The following OR52N2 variants were observed in gnomAD, a reference collection of about 807,000 sequenced individuals.
OR52N2 encodes olfactory receptor 52N2.
For missense variants in OR52N2, 326 were observed against 196.6 expected, an observed-to-expected ratio of 1.66 and a Z score of -3.94; for synonymous variants, 129 against 72.0, an observed-to-expected ratio of 1.79 and a Z score of -4.01.
chr11:5,810,026 GAAC>G (rs1274104581), intron 1 of OR52N2, among the ~76,000 whole-genome samples: 1 of 152,176 alleles, frequency 6.6e-6, no homozygotes, highest in Non-Finnish European at 1.5e-5. Context: ...ACTTCATTTA[GAAC>G]AACATTCTTC....
rs1379620437 is a variant in OR52N2, at chr11:5,821,184, T to C, written c.849T>C (p.Tyr283=). The C allele has an allele frequency of 1.3e-6, 1 of 780,954 alleles. No individual in the cohort carries two copies. Among genetic ancestry groups the C allele is most frequent in the Non-Finnish European group, 2.4e-6 (1 of 418,130 alleles). 48.4% of individuals were successfully genotyped at this position (780,954 alleles called of 1,614,324 possible). ...TACACATCATCGTGGCCAACCTTTA[T>C]CTGCTACTGCCTCCTACCATGAACC... ...NHIHIIVANL[Y]LLLPPTMNPI... The change falls in exon 2 of 2, where the codon TAT becomes TAC. Residue 283 remains tyrosine (Y), a synonymous_variant. Coordinates refer to ENST00000317037, the MANE Select transcript of OR52N2 (RefSeq NM_001005174.3).
rs140966294 is a variant in OR52N2, at chr11:5,820,996, A to C, written c.661A>C (p.Thr221Pro). 3 of 780,866 alleles carry C rather than the reference A, an allele frequency of 3.8e-6. No individual in the cohort carries two copies. Among genetic ancestry groups the C allele is most frequent in the Non-Finnish European group, 7.2e-6 (3 of 418,108 alleles). 48.4% of individuals were successfully genotyped at this position (780,866 alleles called of 1,614,324 possible). A position where few individuals can be genotyped will look rare whatever the true frequency, so the allele number is the denominator to read the frequency against. ...FDICCISVSY[T>P]MILQAVMSLS... ...TATCTGCTGTATCTCTGTATCTTAC[A>C]CTATGATTTTGCAGGCTGTTATGAG... Residue 221 changes from threonine (T) to proline (P), a missense_variant, in exon 2 of 2, where the codon ACT becomes CCT. Physicochemically the swap from Thr to Pro is conservative, Grantham distance 38. Coordinates refer to ENST00000317037, the MANE Select transcript of OR52N2 (RefSeq NM_001005174.3).
chr11:5,811,761 G>A (rs971474751), intron 1 of OR52N2, among the ~76,000 whole-genome samples: 5 of 152,088 alleles, frequency 3.3e-5, no homozygotes, highest in Non-Finnish European at 7.4e-5. Context: ...TCTTCAATCA[G>A]AAGACATAGA....
chr11:5,820,153 T>C (rs1376735062), intron 1 of OR52N2, among the ~76,000 whole-genome samples, 129 bp from the exon 2 acceptor site: 1 of 152,178 alleles, frequency 6.6e-6, no homozygotes, highest in Non-Finnish European at 1.5e-5. Context: ...TTCAAAGTCT[T>C]TCTTGCTATA....
At chr11:5,815,587 T>G (rs924005596) in intron 1 of OR52N2, among the ~76,000 whole-genome samples, 1 of 152,056 alleles carries the variant, frequency 6.6e-6, no homozygotes, top group Non-Finnish European at 1.5e-5. Flanking sequence ...TAAATGTCAG[T>G]GAGAATGTAG....
chr11:5,821,159 T>C lies in OR52N2; in HGVS notation c.824T>C (p.Ile275Thr), dbSNP rs775642504. Residue 275 changes from isoleucine (I) to threonine (T), a missense_variant, in exon 2 of 2, where the codon ATA becomes ACA. Physicochemically the swap from Ile to Thr is moderately conservative, Grantham distance 89. Coordinates refer to ENST00000317037, the MANE Select transcript of OR52N2 (RefSeq NM_001005174.3). ...RFVGHNIPNH[I>T]HIIVANLYLL... ...GTAGGACACAATATCCCAAACCACA[T>C]ACACATCATCGTGGCCAACCTTTAT... 5.1e-6 allele frequency: 4 copies of C among 780,924 alleles called. No homozygotes were observed. The highest frequency in any genetic ancestry group is 9.6e-6 in the Non-Finnish European group (4 of 418,124). The allele number at this position is 780,924 out of a possible 1,614,324, so 48.4% of individuals were successfully genotyped here.
At chr11:5,813,005 T>C (rs1373527139) in intron 1 of OR52N2, among the ~76,000 whole-genome samples, 1 of 151,820 alleles carries the variant, frequency 6.6e-6, no homozygotes, top group African/African-American at 2.4e-5. Flanking sequence ...AACTAAATAA[T>C]ATATTGGTAC....
chr11:5,820,022 T>C (rs1846433281), intron 1 of OR52N2, among the ~76,000 whole-genome samples: 2 of 152,194 alleles, frequency 1.3e-5, no homozygotes, highest in Non-Finnish European at 2.9e-5. Flanking sequence ...TATCAGAATG[T>C]AGTACAGTAT....
chr11:5,809,853 T>C (rs1846341289), intron 1 of OR52N2, among the ~76,000 whole-genome samples: 1 of 152,180 alleles, frequency 6.6e-6, no homozygotes, highest in African/African-American at 2.4e-5. Context: ...CCTTTTGTTA[T>C]TTACCCAGTA....
intron 1 of OR52N2, among the ~76,000 whole-genome samples, chr11:5,815,788 G>T (rs1231053918): frequency 6.6e-6 from 1 of 152,086 alleles, no homozygotes; most frequent in Admixed American, 6.5e-5. Flanking sequence ...CACGTTCATT[G>T]CAGCATTATT....
At chr11:5,813,392 T>A (rs35863959) in intron 1 of OR52N2, among the ~76,000 whole-genome samples, 16,326 of 152,150 alleles carry the variant, frequency 0.11, 1,095 homozygotes, top group East Asian at 0.25. Context: ...GATAAATTCC[T>A]TGGCACTTAC....
intron 1 of OR52N2, among the ~76,000 whole-genome samples, chr11:5,810,241 A>C (rs1275155386): frequency 2.0e-5 from 3 of 152,204 alleles, no homozygotes; most frequent in Non-Finnish European, 4.4e-5. Context: ...GGACTGGATG[A>C]GCAAGCTAGT....
At chr11:5,818,848 T>A (rs1846424568) in intron 1 of OR52N2, among the ~76,000 whole-genome samples, 1 of 152,196 alleles carries the variant, frequency 6.6e-6, no homozygotes, top group Non-Finnish European at 1.5e-5. Context: ...AAAATGATGG[T>A]TTCTTGAAAC....
chr11:5,812,269 C>A (rs1006185402), intron 1 of OR52N2, among the ~76,000 whole-genome samples: 4 of 151,104 alleles, frequency 2.6e-5, no homozygotes, highest in Admixed American at 2.6e-4. Flanking sequence ...CCGAGGCAGG[C>A]GGATCACGAG....
chr11:5,817,678 C>T (rs1846414515), intron 1 of OR52N2, among the ~76,000 whole-genome samples: 1 of 152,086 alleles, frequency 6.6e-6, no homozygotes, highest in African/African-American at 2.4e-5. Context: ...ATGAACATCA[C>T]CACAGATTTT....
At chr11:5,810,363 T>C (rs1351966462) in intron 1 of OR52N2, among the ~76,000 whole-genome samples, 1 of 152,190 alleles carries the variant, frequency 6.6e-6, no homozygotes, top group Admixed American at 6.5e-5. Context: ...CCTTGTCTCC[T>C]GTGTGTCTCA....
intron 1 of OR52N2, among the ~76,000 whole-genome samples, chr11:5,816,488 A>G (rs932675858): frequency 1.3e-5 from 2 of 151,866 alleles, no homozygotes; most frequent in Non-Finnish European, 2.9e-5. Flanking sequence ...CATGCAGTTG[A>G]GTGTAAACAG....
chr11:5,817,926 C>T (rs891709628), intron 1 of OR52N2, among the ~76,000 whole-genome samples: 1 of 152,114 alleles, frequency 6.6e-6, no homozygotes, highest in African/African-American at 2.4e-5. Flanking sequence ...GAAAGAAGGT[C>T]TAGCTATTAA....
At chr11:5,814,599 T>C (rs1180764647) in intron 1 of OR52N2, among the ~76,000 whole-genome samples, 3 of 152,272 alleles carry the variant, frequency 2.0e-5, no homozygotes, top group African/African-American at 7.2e-5. Context: ...TGGAAATACA[T>C]GCCATGTTCA....
Sources: allele counts gnomAD v4.1 joint callset (sites outside exome capture counted in the v4.1 genomes callset), GRCh38; gene constraint gnomAD v4.1.1; transcripts MANE v1.5; gene names NCBI Gene and HGNC (gene_info 2026-07-23, HGNC 2026-07-21).